Variants in CD9 observed in about 807,000 individuals in gnomAD.
CD9 encodes the protein CD9 antigen.
Under a neutral mutation model 31.4 loss-of-function variants are expected in CD9, and 10 were observed. That is an observed-to-expected ratio of 0.32 (90% CI 0.20 to 0.54). The LOEUF (loss-of-function observed/expected upper bound fraction) is 0.54. Ranked by LOEUF, CD9 falls within the 20% of genes least tolerant of loss-of-function variation. The pLI is 0.94. For missense variants in CD9, 259 were observed against 300.1 expected (o/e 0.86, Z 1.01); for synonymous variants, 113 against 114.1 (o/e 0.99, Z 0.06).
intron 1 of CD9, among the ~76,000 whole-genome samples, chr12:6,221,372 A>G (rs1946290122): frequency 6.6e-6 from 1 of 152,128 alleles, no homozygotes; most frequent in Admixed American, 6.5e-5. Context: ...AGCTGGGCAT[A>G]CTACAGGTTG....
intron 1 of CD9, among the ~76,000 whole-genome samples, chr12:6,209,927 C>T (rs1047237660): frequency 1.3e-5 from 2 of 152,160 alleles, no homozygotes; most frequent in Non-Finnish European, 2.9e-5. Context: ...TCAGGTGATA[C>T]GCCCACCTCG....
intron 1 of CD9, chr12:6,200,775 G>A (rs1031602539): frequency 1.7e-5 from 8 of 457,374 alleles, no homozygotes; most frequent in Non-Finnish European, 2.7e-5. Flanking sequence ...TTCGGGTGGG[G>A]GCTCATCACC....
At chr12:6,204,273 A>G (rs1396584974) in intron 1 of CD9, among the ~76,000 whole-genome samples, 3 of 152,212 alleles carry the variant, frequency 2.0e-5, no homozygotes, top group Non-Finnish European at 4.4e-5. Flanking sequence ...ACAACCCAAA[A>G]TAGGAACCAA....
chr12:6,232,449 A>T lies in CD9; in HGVS notation c.176-183A>T. On this transcript the variant is annotated intron_variant, in intron 2 of 7. Coordinates refer to ENST00000009180, the MANE Select transcript of CD9 (RefSeq NM_001769.4). This position sits in a 1 kb window ranked among gnomAD's most constrained non-coding sequence, Gnocchi z 4.8. ...CATGCAAGAGAGGCTGGTGGGAAGG[A>T]GACCTGGGGCAGAGGTGGAAGAGGA... The T allele has an allele frequency of 3.2e-6, 2 of 631,244 alleles. No individual in the cohort carries two copies. Among genetic ancestry groups the T allele is most frequent in the Non-Finnish European group, 5.7e-6 (2 of 352,104 alleles). 39.1% of individuals were successfully genotyped at this position (631,244 alleles called of 1,614,324 possible).
At chr12:6,213,973 C>T (rs1038559388) in intron 1 of CD9, among the ~76,000 whole-genome samples, 9 of 152,208 alleles carry the variant, frequency 5.9e-5, no homozygotes, top group Admixed American at 2.6e-4. Flanking sequence ...AAATTCAACA[C>T]GTCCAAGCCT....
At chr12:6,210,946 A>ACT (rs1239411001) in intron 1 of CD9, among the ~76,000 whole-genome samples, 1 of 151,640 alleles carries the variant, frequency 6.6e-6, no homozygotes, top group East Asian at 1.9e-4. Context: ...AAGCGATTGA[A>ACT]CAGCCTCAGC....
At chr12:6,199,958 G>A (rs1946052633), upstream of CD9, 1 of 152,218 alleles carries the variant, frequency 6.6e-6, no homozygotes, top group African/African-American at 2.4e-5. Flanking sequence ...TCTGGCAGCA[G>A]GCCTTGGCCA....
Position 6,200,441 on chromosome 12 carries a change from C to A in CD9, c.-59C>A. ...ATCCAGCGCCAGGTCCCGCCAGTCC[C>A]AGCTGCGCGCGCCCCCCAGTCCCGC... On this transcript the variant is annotated 5_prime_UTR_variant, in exon 1 of 8. Coordinates refer to ENST00000009180, the MANE Select transcript of CD9 (RefSeq NM_001769.4). 1 of 1,151,172 alleles carries A rather than the reference C, an allele frequency of 8.7e-7. No homozygotes were observed. Among genetic ancestry groups the A allele is most frequent in the Non-Finnish European group, 1.3e-6 (1 of 762,264 alleles). 71.3% of individuals were successfully genotyped at this position (1,151,172 alleles called of 1,614,324 possible).
chr12:6,227,840 A>C (rs556796183), intron 2 of CD9, among the ~76,000 whole-genome samples: 208 of 152,242 alleles, frequency 1.4e-3, no homozygotes, highest in African/African-American at 4.9e-3. Context: ...CTTCACCCAA[A>C]TTGCAGTCAG....
Position 6,232,955 on chromosome 12 carries a change from T to C in CD9, c.273+226T>C, listed in dbSNP as rs922583606. The C allele has an allele frequency of 5.7e-6, 4 of 702,382 alleles. No homozygotes were observed. Among genetic ancestry groups the C allele is most frequent in the African/African-American group, 1.7e-5 (1 of 57,236 alleles). 43.5% of individuals were successfully genotyped at this position (702,382 alleles called of 1,614,324 possible). A position where few individuals can be genotyped will look rare whatever the true frequency, so the allele number is the denominator to read the frequency against. ...CCCCTAGGCAACTAAAAGGACTATG[T>C]TTCCCCCTTTTCTCGAGGACCACGT... On this transcript the variant is annotated intron_variant, in intron 3 of 7. Coordinates refer to ENST00000009180, the MANE Select transcript of CD9 (RefSeq NM_001769.4). This position sits in a 1 kb window ranked among gnomAD's most constrained non-coding sequence, Gnocchi z 4.8.
Position 6,232,819 on chromosome 12 carries a change from A to G in CD9, c.273+90A>G. The G allele has an allele frequency of 1.1e-6, 1 of 882,894 alleles. No homozygotes were observed. Among genetic ancestry groups the G allele is most frequent in the African/African-American group, 1.7e-5 (1 of 60,408 alleles). 54.7% of individuals were successfully genotyped at this position (882,894 alleles called of 1,614,324 possible). On this transcript the variant is annotated intron_variant, in intron 3 of 7. Coordinates refer to ENST00000009180, the MANE Select transcript of CD9 (RefSeq NM_001769.4). The surrounding 1 kb of genome is among the most constrained non-coding windows in gnomAD (Gnocchi z 4.8). ...CAGACCCAGACCACAGAACAGATGG[A>G]GGGGGATGGGGTCAGGAAGGTACCC...
chr12:6,200,728 G>T (rs1207163783), intron 1 of CD9, 163 bp downstream of exon 1: 2 of 518,930 alleles, frequency 3.9e-6, no homozygotes, highest in South Asian at 2.7e-5. Context: ...CTCCAAGGCC[G>T]GGTCCAGAGC....
chr12:6,236,117 G>A (rs539559095), intron 6 of CD9, 75 bp from the exon 7 acceptor site: 151 of 1,591,198 alleles, frequency 9.5e-5, no homozygotes, highest in South Asian at 4.3e-4. Flanking sequence ...CGGGTGAGAC[G>A]GGGGCCATGG....
At chr12:6,200,698 G>C in intron 1 of CD9, 133 bp downstream of exon 1, 1 of 570,492 alleles carries the variant, frequency 1.8e-6, no homozygotes, top group Non-Finnish European at 3.1e-6. Context: ...AAGAGAGAGC[G>C]CCCTGCGGCT....
rs779797317 is a variant in CD9 at position 6,225,466 on chromosome 12, G to T, written c.107G>T (p.Arg36Leu). 4 of 1,613,906 alleles carry T rather than the reference G, an allele frequency of 2.5e-6. No individual in the cohort carries two copies. The highest frequency in any genetic ancestry group is 4.5e-5 in the East Asian group (2 of 44,878). The stretch of plus-strand genomic sequence containing the variant: ...GTCCTTGCCATTGGACTATGGCTCC[G>T]ATTCGACTCTCAGACCAAGAGCATC... ...IAVLAIGLWL[R>L]FDSQTKSIFE... The change falls in exon 2 of 8, where the codon CGA (arginine) becomes CTA (leucine). Residue 36 changes from arginine to leucine, a missense_variant. Transcript: ENST00000009180.
At position 6,232,316 on chromosome 12, in the gene CD9, C is replaced by A; in HGVS notation, c.176-316C>A. 2.3e-6 allele frequency: 1 copy of A among 429,416 alleles called. No homozygotes were observed. Among genetic ancestry groups the A allele is most frequent in the South Asian group, 2.3e-5 (1 of 43,910 alleles). 26.6% of individuals were successfully genotyped at this position (429,416 alleles called of 1,614,324 possible). On this transcript the variant is annotated intron_variant, in intron 2 of 7. Coordinates refer to ENST00000009180, the MANE Select transcript of CD9 (RefSeq NM_001769.4). This position sits in a 1 kb window ranked among gnomAD's most constrained non-coding sequence, Gnocchi z 4.8. ...TGACAGACTGGACCAGTTTGCATTC[C>A]GAATGTAGGGATTCCCGTGGATATT...
In CD9 at chr12:6,200,567, T is replaced by G; in HGVS notation, c.66+2T>G. 1 of 1,603,610 alleles carries G rather than the reference T, an allele frequency of 6.2e-7. No individual in the cohort carries two copies. Among genetic ancestry groups the G allele is most frequent in the Non-Finnish European group, 8.5e-7 (1 of 1,171,774 alleles). ...TTCGGATTTAACTTCATCTTCTGGGTGAGTGAGCGCGACTGCCGCGCGCTC... is the reference window on the plus strand; with the variant it reads ...TTCGGATTTAACTTCATCTTCTGGGGGAGTGAGCGCGACTGCCGCGCGCTC... On this transcript the variant is annotated splice_donor_variant, in intron 1 of 7. Coordinates refer to ENST00000009180, the MANE Select transcript of CD9 (RefSeq NM_001769.4). LOFTEE classifies it high-confidence loss of function.
intron 1 of CD9, among the ~76,000 whole-genome samples, chr12:6,208,091 G>A (rs191007159): frequency 1.3e-5 from 2 of 152,248 alleles, no homozygotes; most frequent in East Asian, 3.9e-4. Context: ...AGTCATGGTG[G>A]CAGGTGCCTG....
At chr12:6,213,993 C>A (rs1408293672) in intron 1 of CD9, among the ~76,000 whole-genome samples, 1 of 152,230 alleles carries the variant, frequency 6.6e-6, no homozygotes, top group Non-Finnish European at 1.5e-5. Context: ...TCCCACTTGT[C>A]CCCCAAGAAA....
Sources: gnomAD v4.1 joint callset for allele counts (sites outside exome capture counted in the v4.1 genomes callset) on GRCh38, gnomAD v4.1.1 for gene constraint, Gnocchi (gnomAD v3.1) non-coding constraint, MANE v1.5 for transcripts, NCBI Gene and HGNC (gene_info 2026-07-23, HGNC 2026-07-21) for gene names.